IQGAP2: variants seen among roughly 807,000 people sequenced by gnomAD.
IQGAP2 encodes IQ motif containing GTPase activating protein 2.
In IQGAP2, 173 loss-of-function variants were observed where a neutral mutation model predicts 201.3. The ratio of observed to expected loss-of-function variants is 0.86; its 90% CI spans 0.76 to 0.98. The LOEUF is 0.98. Ranked by LOEUF, IQGAP2 falls within the 50% of genes least tolerant of loss-of-function variation. The pLI, the probability that IQGAP2 is intolerant of heterozygous loss-of-function variation, is 0.00. For missense variants in IQGAP2, 1,687 were observed against 1,864.8 expected, an observed-to-expected ratio of 0.90 and a Z score of 1.76; for synonymous variants, 675 against 673.9, an observed-to-expected ratio of 1.00 and a Z score of -0.03.
intron 2 of IQGAP2, chr5:76,510,582 A>G (rs1757902061): frequency 1.0e-5 from 5 of 481,928 alleles, no homozygotes; most frequent in Middle Eastern, 6.0e-4. Context: ...ATCTGGAAGG[A>G]CCCAGACAGT....
At chr5:76,423,127 T>C (rs1751813329) in intron 1 of IQGAP2, among the ~76,000 whole-genome samples, 1 of 152,208 alleles carries the variant, frequency 6.6e-6, no homozygotes, top group African/African-American at 2.4e-5. Flanking sequence ...TTCCTGTTTG[T>C]TCCTGCTATA....
intron 2 of IQGAP2, among the ~76,000 whole-genome samples, chr5:76,553,248 TA>T (rs1743686890): frequency 6.6e-6 from 1 of 152,238 alleles, no homozygotes; most frequent in Admixed American, 6.5e-5. Flanking sequence ...ATGCTATACA[TA>T]AAAACAAAGT....
At chr5:76,688,795 T>C (rs1033271425) in intron 30 of IQGAP2, among the ~76,000 whole-genome samples, 3 of 152,168 alleles carry the variant, frequency 2.0e-5, no homozygotes, top group Admixed American at 6.5e-5. Flanking sequence ...AAAATATGTA[T>C]GTAATATTCT....
chr5:76,562,388 C>T lies in IQGAP2; in HGVS notation c.147-8C>T, dbSNP rs773259200. 1.6e-5 allele frequency: 26 copies of T among 1,577,420 alleles called. No individual in the cohort carries two copies. In the Admixed American group the frequency reaches 2.5e-4, roughly 15 times the overall value. On this transcript the variant is annotated splice_polypyrimidine_tract_variant and splice_region_variant and intron_variant, in intron 2 of 35. Coordinates refer to ENST00000274364, the MANE Select transcript of IQGAP2 (RefSeq NM_006633.5). Reference sequence around the variant, plus strand: ...ATCACTTTAATATTTTTTTTTTAATCTCTTTAGGTGGATGGAAGTTTGCTT... The same window carrying T: ...ATCACTTTAATATTTTTTTTTTAATTTCTTTAGGTGGATGGAAGTTTGCTT...
chr5:76,608,663 T>C (rs1748002482), intron 12 of IQGAP2, among the ~76,000 whole-genome samples: 2 of 152,190 alleles, frequency 1.3e-5, no homozygotes, highest in Non-Finnish European at 2.9e-5. Context: ...AAATGAGAAA[T>C]ATAGAAGGTG....
rs527290140 is a variant in IQGAP2 at position 76,443,286 on chromosome 5, G to A, written c.47-18284G>A. On this transcript the variant is annotated intron_variant, in intron 1 of 35. Transcript: ENST00000274364. ...TCTCTGGTGTATGAAATGGATGGAAGCAAAAGTTATGGTAGATTTACAAAC... is the reference window on the plus strand; with the variant it reads ...TCTCTGGTGTATGAAATGGATGGAAACAAAAGTTATGGTAGATTTACAAAC... Among the ~76,000 whole-genome samples, 3 of 152,236 alleles carry A rather than the reference G, an allele frequency of 2.0e-5. No individual in the cohort carries two copies. In the South Asian group the frequency reaches 6.2e-4, roughly 32 times the overall value.
intron 12 of IQGAP2, 92 bp downstream of exon 12, chr5:76,606,395 T>C (rs1747807495): frequency 8.4e-7 from 1 of 1,189,722 alleles, no homozygotes; most frequent in Admixed American, 2.8e-5. Context: ...AAGTTTTTGC[T>C]CAAGGAACTT....
chr5:76,560,506 T>A (rs1744292370), intron 2 of IQGAP2, among the ~76,000 whole-genome samples: 1 of 152,182 alleles, frequency 6.6e-6, no homozygotes. Context: ...TTGTTATACA[T>A]TATTTTGCTT....
chr5:76,693,219 G>A (rs10514070), intron 30 of IQGAP2, 136 bp from the exon 31 acceptor site: 118,028 of 583,920 alleles, frequency 0.2, 13,730 homozygotes, highest in South Asian at 0.39. Flanking sequence ...GTGAATATCC[G>A]CAAGAATGTT....
In IQGAP2 at chr5:76,658,021, T is replaced by C. The variant is rs535194765; in HGVS notation, c.2321-438T>C. On this transcript the variant is annotated intron_variant, in intron 20 of 35. Coordinates refer to ENST00000274364, the MANE Select transcript of IQGAP2 (RefSeq NM_006633.5). Reference sequence around the variant, plus strand: ...CTTCCGGCTCCTTCCCAAAGATCCTTTGGGCTGGGAGAAACCACTTTCTGC... The same window carrying C: ...CTTCCGGCTCCTTCCCAAAGATCCTCTGGGCTGGGAGAAACCACTTTCTGC... Among the ~76,000 whole-genome samples the C allele has an allele frequency of 6.9e-4, 105 of 152,198 alleles. 1 individual carries two copies. Among genetic ancestry groups the C allele is most frequent in the Admixed American group, 1.7e-3 (26 of 15,294 alleles).
chr5:76,417,773 G>A (rs1751494114), intron 1 of IQGAP2, among the ~76,000 whole-genome samples: 1 of 151,306 alleles, frequency 6.6e-6, no homozygotes, highest in Admixed American at 6.6e-5. Flanking sequence ...TAGGAGATGG[G>A]GTTTCGCCAT....
At chr5:76,599,289 A>T (rs1467085877) in intron 10 of IQGAP2, among the ~76,000 whole-genome samples, 1 of 152,158 alleles carries the variant, frequency 6.6e-6, no homozygotes, top group Non-Finnish European at 1.5e-5. Flanking sequence ...TAAAAGAAAA[A>T]TAGCTTATTT....
intron 2 of IQGAP2, among the ~76,000 whole-genome samples, chr5:76,559,559 G>C (rs896873087): frequency 2.0e-5 from 3 of 152,142 alleles, no homozygotes; most frequent in Admixed American, 1.3e-4. Context: ...GAGGCCCACT[G>C]TCTTCCCTGG....
At chr5:76,513,684 T>C (rs1236490871) in intron 2 of IQGAP2, among the ~76,000 whole-genome samples, 1 of 152,032 alleles carries the variant, frequency 6.6e-6, no homozygotes, top group African/African-American at 2.4e-5. Flanking sequence ...AGTAAAAGGA[T>C]CAGTGGTTGC....
intron 2 of IQGAP2, among the ~76,000 whole-genome samples, chr5:76,511,021 G>A (rs1184349661): frequency 2.0e-5 from 3 of 152,230 alleles, no homozygotes; most frequent in Non-Finnish European, 4.4e-5. Context: ...GAGAATGAAA[G>A]GAGAACAGAG....
intron 1 of IQGAP2, among the ~76,000 whole-genome samples, chr5:76,449,787 G>C (rs1753616288): frequency 6.6e-6 from 1 of 152,128 alleles, no homozygotes; most frequent in African/African-American, 2.4e-5. Context: ...AGAAGATTTG[G>C]CTATCTCCTC....
At position 76,617,584 on chromosome 5, in the gene IQGAP2, A is replaced by C. The variant is rs542832114; in HGVS notation, c.1521+6401A>C. The C allele has an allele frequency of 2.2e-5, 36 of 1,604,016 alleles. No individual in the cohort carries two copies. In the Admixed American group the frequency reaches 3.3e-4, roughly 15 times the overall value. On this transcript the variant is annotated intron_variant, in intron 13 of 35. Coordinates refer to ENST00000274364, the MANE Select transcript of IQGAP2 (RefSeq NM_006633.5). ...CCTTGTTCTCTAAGATCATTTCACTATTTTGTAAGGTAAGCAGTGGAGTGA... is the reference window on the plus strand; with the variant it reads ...CCTTGTTCTCTAAGATCATTTCACTCTTTTGTAAGGTAAGCAGTGGAGTGA...
At chr5:76,489,927 C>T (rs1756436304) in intron 2 of IQGAP2, among the ~76,000 whole-genome samples, 1 of 152,218 alleles carries the variant, frequency 6.6e-6, no homozygotes, top group African/African-American at 2.4e-5. Flanking sequence ...ACACTGCGGA[C>T]TTCACCACTC....
intron 31 of IQGAP2, 44 bp from the exon 32 acceptor site, chr5:76,695,410 T>G: frequency 6.6e-7 from 1 of 1,521,212 alleles, no homozygotes. Context: ...ACTGTGAAAT[T>G]AGGGGATCAG....
Sources: gnomAD v4.1 joint callset for allele counts (sites outside exome capture counted in the v4.1 genomes callset) on GRCh38, gnomAD v4.1.1 for gene constraint, MANE v1.5 for transcripts, NCBI Gene and HGNC (gene_info 2026-07-23, HGNC 2026-07-21) for gene names.